The following PGLYRP4 variants were observed in gnomAD, a reference collection of about 807,000 sequenced individuals.
PGLYRP4 encodes PGRP-I-beta.
In PGLYRP4, 39 loss-of-function variants were observed where a neutral mutation model predicts 41.2. The ratio of observed to expected loss-of-function variants is 0.95; its 90% CI spans 0.73 to 1.24. The LOEUF is 1.24. PGLYRP4 is among the 50% of genes most tolerant of loss of function. PGLYRP4 has a pLI of 0.00. For synonymous variants in PGLYRP4, 202 were observed against 186.8 expected, an observed-to-expected ratio of 1.08 and a Z score of -0.66; for missense variants, 467 against 460.7, an observed-to-expected ratio of 1.01 and a Z score of -0.13.
intron 1 of PGLYRP4, among the ~76,000 whole-genome samples, chr1:153,348,232 C>T (rs1661099920): frequency 2.6e-5 from 4 of 152,136 alleles, no homozygotes; most frequent in Admixed American, 2.6e-4. Context: ...CACATGCAGT[C>T]TTATTTAATT....
intron 7 of PGLYRP4, 121 bp from the exon 8 acceptor site, chr1:153,337,420 G>T: frequency 1.5e-6 from 1 of 647,450 alleles, no homozygotes; most frequent in Non-Finnish European, 2.7e-6. Context: ...TGGATTCTAA[G>T]CACTGGGTTA....
intron 3 of PGLYRP4, among the ~76,000 whole-genome samples, chr1:153,345,686 G>A (rs575197687): frequency 6.6e-6 from 1 of 152,350 alleles, no homozygotes; most frequent in East Asian, 1.9e-4. Context: ...CCTGGGGAAA[G>A]CCCTGAGCAG....
chr1:153,345,378 A>G lies in PGLYRP4; in HGVS notation c.144T>C (p.Leu48=), dbSNP rs1255130477. Residue 48 remains leucine (L), a synonymous_variant, in exon 4 of 9, where the codon CTT becomes CTC. Transcript: ENST00000359650. ...ENISQLTEKG[L]PTDVSTTVSR... The stretch of plus-strand genomic sequence containing the variant: ...AGACCGTGGTGGAGACATCTGTGGG[A>G]AGGCCTTGGGGACGTCACTCAGCGC... 9 of 1,613,994 alleles carry G rather than the reference A, an allele frequency of 5.6e-6. No homozygotes were observed. Among genetic ancestry groups the G allele is most frequent in the Non-Finnish European group, 7.6e-6 (9 of 1,179,914 alleles).
chr1:153,333,369 G>A (rs1183412423), intron 8 of PGLYRP4, among the ~76,000 whole-genome samples: 1 of 151,926 alleles, frequency 6.6e-6, no homozygotes, highest in Non-Finnish European at 1.5e-5. Context: ...GACTGAACCA[G>A]GAAGAAATAG....
intron 6 of PGLYRP4, 79 bp from the exon 7 acceptor site, chr1:153,340,658 T>C: frequency 7.0e-7 from 1 of 1,423,178 alleles, no homozygotes; most frequent in Non-Finnish European, 9.6e-7. Context: ...GCTGATATAA[T>C]GCTCAGGACC....
Position 153,341,709 on chromosome 1 carries a change from G to A in PGLYRP4, c.543C>T (p.His181=), listed in dbSNP as rs771616209. Residue 181 remains histidine, a synonymous_variant, in exon 6 of 9, where the codon CAC becomes CAT. Coordinates refer to ENST00000359650, the MANE Select transcript of PGLYRP4 (RefSeq NM_020393.4). ...NLITYAVQKG[H]LSSSYVQPLL... is the part of the protein sequence containing the mutation. ...GTGGCTGAACATAACTGGATGACAG[G>A]TGGCCCTTCTGGACAGCATAGGTGA... 4.3e-6 allele frequency: 7 copies of A among 1,613,988 alleles called. No homozygotes were observed. In the South Asian group the frequency reaches 6.6e-5, roughly 15 times the overall value.
rs757335374 is a variant in PGLYRP4 at position 153,330,820 on chromosome 1, G to T, written c.1069C>A (p.Pro357Thr). 1.9e-6 allele frequency: 3 copies of T among 1,613,928 alleles called. No individual in the cohort carries two copies. The highest frequency in any genetic ancestry group is 2.7e-5 in the African/African-American group (2 of 74,876). The change falls in exon 9 of 9, where the codon CCT becomes ACT. Residue 357 changes from proline (P) to threonine (T), a missense_variant. Physicochemically the swap from Pro to Thr is conservative, Grantham distance 38. Transcript: ENST00000359650. ...GHSDVARTLS[P>T]GQALYNIIST... Reference sequence around the variant, plus strand: ...ATGATGTTGTACAAAGCCTGCCCAGGAGACAAGGTTCGGGCCACATCACTG... The same window carrying T: ...ATGATGTTGTACAAAGCCTGCCCAGTAGACAAGGTTCGGGCCACATCACTG...
chr1:153,333,095 AAGAAAT>A (rs1660404387), intron 8 of PGLYRP4, among the ~76,000 whole-genome samples: 1 of 152,110 alleles, frequency 6.6e-6, no homozygotes, highest in African/African-American at 2.4e-5. Flanking sequence ...ACCAAAAAAA[AAGAAAT>A]AGAAAGGATC....
chr1:153,332,571 AAT>A (rs1423623381), intron 8 of PGLYRP4, among the ~76,000 whole-genome samples: 3 of 152,200 alleles, frequency 2.0e-5, no homozygotes, highest in Non-Finnish European at 4.4e-5. Context: ...ACAATGTTAG[AAT>A]ATATATTCAT....
In PGLYRP4 at chr1:153,331,339, C is replaced by T. The variant is rs112586061; in HGVS notation, c.944-394G>A. 1.3e-3 allele frequency among the ~76,000 whole-genome samples: 194 copies of T among 152,262 alleles called. 1 individual carries two copies. Among genetic ancestry groups the T allele is most frequent in the African/African-American group, 4.2e-3 (173 of 41,544 alleles). On this transcript the variant is annotated intron_variant, in intron 8 of 8. Coordinates refer to ENST00000359650, the MANE Select transcript of PGLYRP4 (RefSeq NM_020393.4). Reference sequence around the variant, plus strand: ...AAGGATACTGCTAAACATCCTAGGACGGGACAGCCTCTGACAACAATGAAT... The same window carrying T: ...AAGGATACTGCTAAACATCCTAGGATGGGACAGCCTCTGACAACAATGAAT...
intron 8 of PGLYRP4, among the ~76,000 whole-genome samples, chr1:153,334,468 T>TATATATATATATTTTTTATATA (rs1275488427): frequency 7.0e-6 from 1 of 142,530 alleles, no homozygotes; most frequent in African/African-American, 2.6e-5. Context: ...ATATATTTAT[T>TATATATATATATTTTTTATATA]TATATATATT....
At position 153,330,877 on chromosome 1, in the gene PGLYRP4, AC is replaced by A; in HGVS notation, c.1011del (p.Tyr338ThrfsTer2). On this transcript the variant is annotated frameshift_variant, in exon 9 of 9. Transcript: ENST00000359650. LOFTEE classifies it high-confidence loss of function. ...ACCAGCAGGTAGTTGGGAGTCAGGT[AC>A]CCTTTGACCATGGCACACTGGATCA... ...QDLIQCAMVK[G>X]YLTPNYLLVG... 6.2e-7 allele frequency: 1 copy of A among 1,613,962 alleles called. No homozygotes were observed. The highest frequency in any genetic ancestry group is 8.5e-7 in the Non-Finnish European group (1 of 1,179,924).
intron 8 of PGLYRP4, among the ~76,000 whole-genome samples, chr1:153,334,659 T>C (rs1482524218): frequency 1.3e-5 from 2 of 151,884 alleles, no homozygotes; most frequent in Non-Finnish European, 2.9e-5. Flanking sequence ...ACGCAGTTCC[T>C]ATCAAATTAC....
At chr1:153,343,486 G>A (rs551772376) in intron 4 of PGLYRP4, among the ~76,000 whole-genome samples, 4 of 152,176 alleles carry the variant, frequency 2.6e-5, no homozygotes, top group Admixed American at 6.5e-5. Context: ...GGTCCTAGAG[G>A]TTCCATGGTA....
intron 8 of PGLYRP4, among the ~76,000 whole-genome samples, chr1:153,336,978 A>G (rs1660593537): frequency 6.6e-6 from 1 of 152,194 alleles, no homozygotes; most frequent in South Asian, 2.1e-4. Flanking sequence ...CTGGGTGTAA[A>G]GGAGGGTAGA....
chr1:153,344,373 C>T (rs1221529042), intron 4 of PGLYRP4, among the ~76,000 whole-genome samples: 1 of 152,182 alleles, frequency 6.6e-6, no homozygotes, highest in Non-Finnish European at 1.5e-5. Flanking sequence ...TGACTCCACC[C>T]CACCCTGTGG....
At chr1:153,338,778 G>A (rs1279442043) in intron 7 of PGLYRP4, among the ~76,000 whole-genome samples, 1 of 152,074 alleles carries the variant, frequency 6.6e-6, no homozygotes, top group African/African-American at 2.4e-5. Flanking sequence ...GTTCCCACAG[G>A]GATTGCTTCC....
chr1:153,337,322 G>A, intron 7 of PGLYRP4, 23 bp from the exon 8 acceptor site: 1 of 1,374,450 alleles, frequency 7.3e-7, no homozygotes, highest in South Asian at 1.2e-5. Flanking sequence ...AAGGGGAGAT[G>A]GAGACCAGCA....
intron 8 of PGLYRP4, among the ~76,000 whole-genome samples, chr1:153,332,950 A>C (rs911971224): frequency 8.1e-6 from 1 of 123,420 alleles, no homozygotes; most frequent in Non-Finnish European, 1.9e-5. Flanking sequence ...CAAATTAACA[A>C]CCTATGTCAC....
Sources: gnomAD v4.1 joint callset for allele counts (sites outside exome capture counted in the v4.1 genomes callset) on GRCh38, gnomAD v4.1.1 for gene constraint, MANE v1.5 for transcripts, NCBI Gene and HGNC (gene_info 2026-07-23, HGNC 2026-07-21) for gene names.